The following TTC28 variants were observed in gnomAD, a reference collection of about 807,000 sequenced individuals.
TTC28 encodes tetratricopeptide repeat domain 28.
Under a neutral mutation model 198.0 loss-of-function variants are expected in TTC28, and 61 were observed. The ratio of observed to expected loss-of-function variants is 0.31; its 90% CI spans 0.25 to 0.38. The LOEUF is 0.38. Among genes scored for constraint, TTC28 ranks in the 10% least tolerant of loss-of-function variants. The pLI is 1.00. For missense variants in TTC28, 2,678 were observed against 3,164.0 expected, an observed-to-expected ratio of 0.85 and a Z score of 3.69; for synonymous variants, 1,171 against 1,297.8, an observed-to-expected ratio of 0.90 and a Z score of 2.10.
chr22:28,092,614 C>G (rs1489060668), intron 12 of TTC28, among the ~76,000 whole-genome samples: 1 of 152,190 alleles, frequency 6.6e-6, no homozygotes, highest in African/African-American at 2.4e-5. Flanking sequence ...ACATGCAATA[C>G]CTTTGGTCAG....
intron 1 of TTC28, among the ~76,000 whole-genome samples, chr22:28,640,567 A>AAAT (rs139282856): frequency 0.24 from 34,996 of 147,202 alleles, 4,928 homozygotes; most frequent in Admixed American, 0.34. Flanking sequence ...CAAACTGTTA[A>AAAT]AATAATAATA....
rs370823693 is a variant in TTC28 at position 28,287,252 on chromosome 22, G to A, written c.933+8946C>T. 3.9e-5 allele frequency among the ~76,000 whole-genome samples: 6 copies of A among 152,256 alleles called. No homozygotes were observed. The South Asian group carries it at 1.2e-3, about 32-fold the overall frequency. The stretch of plus-strand genomic sequence containing the variant: ...AAAGTAACATGCAGTACAGTCTGAT[G>A]AATATAGAGTGCTGGGTCAATTGGA... On this transcript the variant is annotated intron_variant, in intron 5 of 22. Coordinates refer to ENST00000397906, the MANE Select transcript of TTC28 (RefSeq NM_001145418.2).
intron 21 of TTC28, among the ~76,000 whole-genome samples, chr22:27,988,624 T>C (rs1247228760): frequency 6.6e-6 from 1 of 152,176 alleles, no homozygotes; most frequent in Non-Finnish European, 1.5e-5. Context: ...TGTCGGGCCA[T>C]GTCTGACAGC....
chr22:28,317,065 C>T (rs1345106126), intron 2 of TTC28, among the ~76,000 whole-genome samples: 2 of 152,176 alleles, frequency 1.3e-5, no homozygotes, highest in African/African-American at 4.8e-5. Context: ...TGAGCCACTG[C>T]ACCCTGCCTG....
intron 2 of TTC28, among the ~76,000 whole-genome samples, chr22:28,591,070 TATATATATATATATAG>T (rs2050427170): frequency 7.6e-6 from 1 of 131,108 alleles, no homozygotes; most frequent in Non-Finnish European, 1.6e-5. Context: ...TATATATATA[TATATATATATATATAG>T]GAATTGTGAC....
At chr22:28,014,220 G>C in intron 14 of TTC28, 28 bp downstream of exon 14, 1 of 1,541,262 alleles carries the variant, frequency 6.5e-7, no homozygotes. Flanking sequence ...TGATGCGGAG[G>C]AGCCTTGTGC....
chr22:28,104,060 C>T (rs1412608697), intron 8 of TTC28, among the ~76,000 whole-genome samples: 1 of 152,162 alleles, frequency 6.6e-6, no homozygotes, highest in African/African-American at 2.4e-5. Context: ...CCAGTGCAGT[C>T]CCTGGTCTGT....
At chr22:28,113,984 A>G (rs1326411249) in intron 6 of TTC28, among the ~76,000 whole-genome samples, 1 of 152,222 alleles carries the variant, frequency 6.6e-6, no homozygotes, top group African/African-American at 2.4e-5. Flanking sequence ...CAACAGTAGA[A>G]AGAAATTGGG....
At chr22:28,634,701 C>T (rs2051238512) in intron 1 of TTC28, among the ~76,000 whole-genome samples, 1 of 151,314 alleles carries the variant, frequency 6.6e-6, no homozygotes, top group African/African-American at 2.4e-5. Flanking sequence ...TCTCCTGCCT[C>T]GGCCTCCTGA....
intron 5 of TTC28, among the ~76,000 whole-genome samples, chr22:28,185,157 A>G (rs768156615): frequency 1.3e-5 from 2 of 152,222 alleles, no homozygotes; most frequent in Non-Finnish European, 2.9e-5. Context: ...ATTCAGTTAC[A>G]CAAAAATTCA....
intron 2 of TTC28, among the ~76,000 whole-genome samples, chr22:28,427,062 A>G (rs2047360862): frequency 2.0e-5 from 3 of 152,244 alleles, no homozygotes; most frequent in South Asian, 2.1e-4. Flanking sequence ...CCTACAGATA[A>G]CATTTTTCAG....
intron 2 of TTC28, among the ~76,000 whole-genome samples, chr22:28,429,985 T>C (rs2047407862): frequency 6.6e-6 from 1 of 152,006 alleles, no homozygotes; most frequent in Non-Finnish European, 1.5e-5. Flanking sequence ...TCTTTTACAA[T>C]TTGCTTAGGA....
At chr22:28,227,367 GAC>G (rs1928423973) in intron 5 of TTC28, among the ~76,000 whole-genome samples, 1 of 152,164 alleles carries the variant, frequency 6.6e-6, no homozygotes, top group Non-Finnish European at 1.5e-5. Context: ...CAGCATGAGT[GAC>G]ACAGCTCAAA....
intron 20 of TTC28, 102 bp from the exon 21 acceptor site, chr22:27,990,109 T>C (rs1937348136): frequency 1.4e-6 from 2 of 1,393,298 alleles, no homozygotes; most frequent in Non-Finnish European, 1.9e-6. Flanking sequence ...CTGGCATCGC[T>C]AATGACCCTC....
intron 2 of TTC28, among the ~76,000 whole-genome samples, chr22:28,403,243 C>A (rs2046946233): frequency 2.0e-5 from 3 of 152,162 alleles, no homozygotes; most frequent in Admixed American, 6.5e-5. Flanking sequence ...GCTAGAGACC[C>A]AACACGACTA....
At position 28,215,246 on chromosome 22, in the gene TTC28, C is replaced by A. The variant is rs1170662794; in HGVS notation, c.934-51647G>T. Among the ~76,000 whole-genome samples the A allele has an allele frequency of 2.6e-5, 4 of 152,052 alleles. No homozygotes were observed. The East Asian group carries it at 7.7e-4, about 29-fold the overall frequency. ...TGTGTACATATGTAACAAACCTGCA[C>A]GTTGTGCACATGTACCCTAGATCTT... On this transcript the variant is annotated intron_variant, in intron 5 of 22. Transcript: ENST00000397906.
In TTC28 at chr22:28,163,978, C is replaced by T. The variant is rs534258768; in HGVS notation, c.934-379G>A. ...GCACTTTTCCAATGGGCTTAACAAACGGCACACCAGGAGATTATATCCCGC... is the reference window on the plus strand; with the variant it reads ...GCACTTTTCCAATGGGCTTAACAAATGGCACACCAGGAGATTATATCCCGC... On this transcript the variant is annotated intron_variant, in intron 5 of 22. Coordinates refer to ENST00000397906, the MANE Select transcript of TTC28 (RefSeq NM_001145418.2). Among the ~76,000 whole-genome samples, 24 of 152,318 alleles carry T rather than the reference C, an allele frequency of 1.6e-4. 1 individual carries two copies. In the South Asian group the frequency reaches 2.9e-3, roughly 18 times the overall value.
intron 12 of TTC28, among the ~76,000 whole-genome samples, chr22:28,085,110 TC>T (rs1194325713): frequency 6.6e-6 from 1 of 151,862 alleles, no homozygotes; most frequent in Non-Finnish European, 1.5e-5. Context: ...CAGGAGAACT[TC>T]CCCAATCTAG....
chr22:28,450,958 CAG>C (rs1568951734), intron 2 of TTC28, among the ~76,000 whole-genome samples: 1 of 152,158 alleles, frequency 6.6e-6, no homozygotes, highest in African/African-American at 2.4e-5. Flanking sequence ...GGATCCCAAA[CAG>C]AGCACGAGGA....
Sources: allele counts gnomAD v4.1 joint callset (sites outside exome capture counted in the v4.1 genomes callset), GRCh38; gene constraint gnomAD v4.1.1; transcripts MANE v1.5; gene names NCBI Gene and HGNC (gene_info 2026-07-23, HGNC 2026-07-21).